LATS2: variants seen among roughly 807,000 people sequenced by gnomAD.
The protein encoded by LATS2 is large tumor suppressor kinase 2.
A neutral mutation model predicts 76.0 loss-of-function variants in LATS2; 24 were observed. The observed-to-expected ratio is 0.32, with a 90% confidence interval of 0.23 to 0.44. The LOEUF (loss-of-function observed/expected upper bound fraction) is 0.44, where lower values mean the gene tolerates loss of function less well. LATS2 is among the 20% of genes least tolerant of loss of function. LATS2 has a pLI of 1.00. For synonymous variants in LATS2, 692 were observed against 635.4 expected, an observed-to-expected ratio of 1.09 and a Z score of -1.34; for missense variants, 1,286 against 1,481.2, an observed-to-expected ratio of 0.87 and a Z score of 2.16.
intron 2 of LATS2, among the ~76,000 whole-genome samples, chr13:21,014,056 CAA>C (rs1261362024): frequency 8.3e-5 from 12 of 145,246 alleles, no homozygotes; most frequent in African/African-American, 2.3e-4. Flanking sequence ...GAGAGAGAAA[CAA>C]AGAGAGGGAA....
intron 1 of LATS2, among the ~76,000 whole-genome samples, chr13:21,058,434 C>G (rs1873519022): frequency 6.6e-6 from 1 of 152,218 alleles, no homozygotes; most frequent in African/African-American, 2.4e-5. Flanking sequence ...TACCCCACCC[C>G]TTGGTGGAGT....
chr13:21,018,799 C>T (rs1457181363), intron 2 of LATS2, among the ~76,000 whole-genome samples: 2 of 152,102 alleles, frequency 1.3e-5, no homozygotes, highest in East Asian at 3.9e-4. Flanking sequence ...GCATGCAGCA[C>T]CATGCCCAGC....
At chr13:21,058,603 A>C (rs555929927) in intron 1 of LATS2, among the ~76,000 whole-genome samples, 1 of 152,364 alleles carries the variant, frequency 6.6e-6, no homozygotes, top group African/African-American at 2.4e-5. Flanking sequence ...AACTATTTCA[A>C]ACTCGATGGA....
At chr13:20,987,792 G>C in intron 4 of LATS2, 89 bp downstream of exon 4, 8 of 1,463,954 alleles carry the variant, frequency 5.5e-6, no homozygotes, top group African/African-American at 1.4e-5. Flanking sequence ...GGGGTATACA[G>C]TCGAAACAGA....
chr13:21,049,082 A>G (rs1029125990), intron 1 of LATS2, among the ~76,000 whole-genome samples: 2 of 152,192 alleles, frequency 1.3e-5, no homozygotes, highest in African/African-American at 4.8e-5. Context: ...AGGGAACAGC[A>G]TATGCAAAGA....
At chr13:21,016,852 A>G (rs1444914309) in intron 2 of LATS2, among the ~76,000 whole-genome samples, 1 of 152,166 alleles carries the variant, frequency 6.6e-6, no homozygotes, top group Non-Finnish European at 1.5e-5. Flanking sequence ...TCTCTTTATC[A>G]CGGCAGAGTC....
intron 2 of LATS2, among the ~76,000 whole-genome samples, chr13:20,997,136 G>C (rs1259371950): frequency 6.6e-6 from 1 of 152,138 alleles, no homozygotes; most frequent in Non-Finnish European, 1.5e-5. Context: ...TAAGAGATTG[G>C]GGAGGGACTG....
intron 6 of LATS2, among the ~76,000 whole-genome samples, chr13:20,980,882 G>T (rs1869839045): frequency 6.6e-6 from 1 of 152,206 alleles, no homozygotes; most frequent in Admixed American, 6.5e-5. Flanking sequence ...CAGGATCACT[G>T]AAGGATTCCT....
chr13:20,990,487 T>A (rs956289333), intron 3 of LATS2, among the ~76,000 whole-genome samples: 17 of 125,060 alleles, frequency 1.4e-4, no homozygotes, highest in African/African-American at 4.8e-4. Flanking sequence ...TTTTTTTTTT[T>A]AAATACAGAC....
In LATS2 at chr13:20,991,215, T is replaced by C; in HGVS notation, c.475+57A>G. ...AGGTTGGACCCCTCTGCACGTGGTT[T>C]TGTTGTCCTTAAGCCACAAACCATC... On this transcript the variant is annotated intron_variant, in intron 3 of 7. Coordinates refer to ENST00000382592, the MANE Select transcript of LATS2 (RefSeq NM_014572.3). This position sits in a 1 kb window ranked among gnomAD's most constrained non-coding sequence, Gnocchi z 4.9. The C allele has an allele frequency of 6.2e-7, 1 of 1,607,988 alleles. No individual in the cohort carries two copies. The highest frequency in any genetic ancestry group is 8.5e-7 in the Non-Finnish European group (1 of 1,176,310).
Position 20,991,151 on chromosome 13 carries a change from G to A in LATS2, c.475+121C>T. 8.1e-7 allele frequency: 1 copy of A among 1,238,354 alleles called. No homozygotes were observed. The allele number at this position is 1,238,354 out of a possible 1,614,324, so 76.7% of individuals were successfully genotyped here. ...CTCAGCTTGCCTGTTAACTGAATGA[G>A]GCAATGTGCCAGGAGACTGGCTCTG... On this transcript the variant is annotated intron_variant, in intron 3 of 7. Transcript: ENST00000382592. The surrounding 1 kb of genome is among the most constrained non-coding windows in gnomAD (Gnocchi z 4.9).
intron 7 of LATS2, among the ~76,000 whole-genome samples, chr13:20,978,106 G>A (rs187382172): frequency 7.4e-4 from 113 of 152,082 alleles, no homozygotes; most frequent in African/African-American, 2.6e-3. Flanking sequence ...CAGTAGAGAC[G>A]GGGTTTCACT....
chr13:21,018,784 T>G (rs1871913487), intron 2 of LATS2, among the ~76,000 whole-genome samples: 1 of 152,058 alleles, frequency 6.6e-6, no homozygotes, highest in Admixed American at 6.6e-5. Flanking sequence ...CTCCTGAGTA[T>G]ATAGGCATGC....
intron 2 of LATS2, among the ~76,000 whole-genome samples, chr13:21,004,861 A>G (rs1205334158): frequency 6.6e-6 from 1 of 152,232 alleles, no homozygotes; most frequent in Non-Finnish European, 1.5e-5. Flanking sequence ...TTTGGTTTGT[A>G]CAAGTCACCA....
chr13:21,022,247 G>C (rs1420261520), intron 2 of LATS2, among the ~76,000 whole-genome samples: 1 of 152,090 alleles, frequency 6.6e-6, no homozygotes, highest in Non-Finnish European at 1.5e-5. Flanking sequence ...TATGTGTGTG[G>C]ACGTATGCAT....
intron 2 of LATS2, among the ~76,000 whole-genome samples, chr13:21,001,429 T>C (rs1871035957): frequency 6.6e-6 from 1 of 152,202 alleles, no homozygotes. Context: ...TCCCCTTGAA[T>C]ATTGGCTGGC....
rs140094971 is a variant in LATS2 at position 20,973,514 on chromosome 13, C to CTCTG, written c.*1355_*1356insCAGA. On this transcript the variant is annotated 3_prime_UTR_variant, in exon 8 of 8. Coordinates refer to ENST00000382592, the MANE Select transcript of LATS2 (RefSeq NM_014572.3). ...GAAATAAGGAATATTGTGTTTATCT[C>CTCTG]TGTGTGTGTGTGTGTGTGTGTATAC... The CTCTG allele has an allele frequency of 1.2e-4, 27 of 224,300 alleles. No homozygotes were observed. In the South Asian group the frequency reaches 3.7e-3, roughly 31 times the overall value. The allele number at this position is 224,300 out of a possible 1,614,324, so 13.9% of individuals were successfully genotyped here.
intron 2 of LATS2, among the ~76,000 whole-genome samples, chr13:20,999,485 T>C (rs1448189810): frequency 1.3e-5 from 2 of 152,144 alleles, no homozygotes; most frequent in African/African-American, 4.8e-5. Context: ...TTTTCTTTTT[T>C]TTTGACAGGG....
chr13:21,029,819 G>A (rs1301617260), intron 2 of LATS2, among the ~76,000 whole-genome samples: 2 of 152,094 alleles, frequency 1.3e-5, no homozygotes, highest in Non-Finnish European at 2.9e-5. Context: ...TATTGGGGAT[G>A]GGCGTAGTGG....
Sources: allele counts gnomAD v4.1 joint callset (sites outside exome capture counted in the v4.1 genomes callset), GRCh38; gene constraint gnomAD v4.1.1; non-coding constraint Gnocchi (gnomAD v3.1); transcripts MANE v1.5; gene names NCBI Gene and HGNC (gene_info 2026-07-23, HGNC 2026-07-21).